TP63: variants seen among roughly 807,000 people sequenced by gnomAD.
TP63 encodes tumor protein p63.
A neutral mutation model predicts 82.8 loss-of-function variants in TP63; 17 were observed. That is an observed-to-expected ratio of 0.21 (90% confidence interval 0.14 to 0.31). The LOEUF (loss-of-function observed/expected upper bound fraction) is 0.31. TP63 is among the 10% of genes least tolerant of loss of function. The probability of loss-of-function intolerance (pLI) is 1.00; values close to 1 mark genes in which losing one functional copy is unlikely to be tolerated. For synonymous variants in TP63, 330 were observed against 321.7 expected (o/e 1.03, Z -0.28); for missense variants, 648 against 895.3 (o/e 0.72, Z 3.52).
At chr3:189,746,868 T>G (rs1023117929) in intron 3 of TP63, among the ~76,000 whole-genome samples, 1 of 149,068 alleles carries the variant, frequency 6.7e-6, no homozygotes, top group African/African-American at 2.5e-5. Context: ...AAGACATACA[T>G]AGATTGAAAG....
At chr3:189,878,237 C>T (rs1315999270) in intron 10 of TP63, among the ~76,000 whole-genome samples, 4 of 151,984 alleles carry the variant, frequency 2.6e-5, no homozygotes, top group East Asian at 1.9e-4. Context: ...ATGTCAACAC[C>T]GTATTTCTAG....
intron 10 of TP63, chr3:189,873,513 T>C (rs1479842864): frequency 1.7e-5 from 3 of 176,860 alleles, no homozygotes; most frequent in Non-Finnish European, 3.7e-5. Flanking sequence ...GCATGATAAT[T>C]GGGGAAATAT....
the TP63 span, among the ~76,000 whole-genome samples, chr3:189,626,032 C>T: frequency 1.3e-5 from 2 of 152,088 alleles, no homozygotes; most frequent in Admixed American, 1.3e-4. Flanking sequence ...ATTTCAGTGA[C>T]CTGAAGAGAG....
rs550131213 is a variant in TP63 at position 189,846,129 on chromosome 3, T to TC, written c.580-18098dup. 2.3e-3 allele frequency among the ~76,000 whole-genome samples: 348 copies of TC among 152,114 alleles called. 1 individual carries two copies. The highest frequency in any genetic ancestry group is 7.8e-3 in the African/African-American group (323 of 41,490). On this transcript the variant is annotated intron_variant, in intron 4 of 13. Coordinates refer to ENST00000264731, the MANE Select transcript of TP63 (RefSeq NM_003722.5). Reference sequence around the variant, plus strand: ...CCTAGTCACTGGAATTCTTTTTTTTTCCCCCTTCTCTTTGCAACATATTAT... The same window carrying TC: ...CCTAGTCACTGGAATTCTTTTTTTTTCCCCCCTTCTCTTTGCAACATATTAT...
intron 3 of TP63, among the ~76,000 whole-genome samples, chr3:189,798,863 G>C (rs1725992795): frequency 6.6e-6 from 1 of 152,056 alleles, no homozygotes; most frequent in Non-Finnish European, 1.5e-5. Flanking sequence ...CTCAAAACTT[G>C]AGTTTTATTT....
chr3:189,722,550 C>CGCATT (rs1426772062), intron 1 of TP63, among the ~76,000 whole-genome samples: 1 of 152,106 alleles, frequency 6.6e-6, no homozygotes, highest in African/African-American at 2.4e-5. Context: ...AGCCAGTGAA[C>CGCATT]GCATTGGGCC....
intron 1 of TP63, among the ~76,000 whole-genome samples, chr3:189,715,877 C>T (rs771331972): frequency 6.6e-6 from 1 of 152,158 alleles, no homozygotes; most frequent in Non-Finnish European, 1.5e-5. Flanking sequence ...AGGAACTGAA[C>T]CATGCTCTTC....
At chr3:189,844,376 T>G (rs1162692974) in intron 4 of TP63, 1 of 363,724 alleles carries the variant, frequency 2.7e-6, no homozygotes, top group Non-Finnish European at 5.6e-6. Flanking sequence ...ACCTCCGCCT[T>G]CTGGATTCAA....
intron 1 of TP63, among the ~76,000 whole-genome samples, chr3:189,725,889 A>G (rs895325409): frequency 6.6e-5 from 10 of 152,170 alleles, no homozygotes; most frequent in Non-Finnish European, 1.3e-4. Flanking sequence ...CCCCATCTCT[A>G]CTAAAAAATA....
chr3:189,693,421 G>A (rs776980569), intron 1 of TP63, among the ~76,000 whole-genome samples: 25 of 152,162 alleles, frequency 1.6e-4, no homozygotes, highest in Admixed American at 2.6e-4. Context: ...AGAGAACAAG[G>A]TGTGACAGCT....
At chr3:189,661,524 C>A (rs996479329) in intron 1 of TP63, among the ~76,000 whole-genome samples, 2 of 151,974 alleles carry the variant, frequency 1.3e-5, no homozygotes, top group Admixed American at 6.6e-5. Context: ...AGATATTAGC[C>A]TTTAGTTTTC....
intron 1 of TP63, among the ~76,000 whole-genome samples, 190 bp downstream of exon 1, chr3:189,631,767 G>A (rs914627571): frequency 6.6e-6 from 1 of 151,762 alleles, no homozygotes; most frequent in African/African-American, 2.4e-5. Flanking sequence ...GTTGATATTT[G>A]GATCTACAAA....
intron 1 of TP63, among the ~76,000 whole-genome samples, chr3:189,707,416 T>G (rs1482552659): frequency 6.6e-6 from 1 of 152,176 alleles, no homozygotes; most frequent in Admixed American, 6.5e-5. Flanking sequence ...TATGTTGAAT[T>G]GTAGGTGAAT....
intron 3 of TP63, among the ~76,000 whole-genome samples, chr3:189,747,916 A>G (rs1721500150): frequency 6.6e-6 from 1 of 152,096 alleles, no homozygotes; most frequent in African/African-American, 2.4e-5. Flanking sequence ...ATCAGAGATT[A>G]TTATGAACAA....
the TP63 span, among the ~76,000 whole-genome samples, chr3:189,600,231 C>A: frequency 6.6e-6 from 1 of 152,118 alleles, no homozygotes; most frequent in South Asian, 2.1e-4. Flanking sequence ...GGGGGTGGAT[C>A]AATAGAAATG....
intron 10 of TP63, among the ~76,000 whole-genome samples, chr3:189,882,699 T>C (rs1720056306): frequency 6.6e-6 from 1 of 152,176 alleles, no homozygotes; most frequent in African/African-American, 2.4e-5. Flanking sequence ...GTGTAACTTG[T>C]GTCTGCGCAG....
At chr3:189,608,495 A>G in the TP63 span, among the ~76,000 whole-genome samples, 1 of 152,168 alleles carries the variant, frequency 6.6e-6, no homozygotes, top group African/African-American at 2.4e-5. Flanking sequence ...GGCAATGGTA[A>G]GGGCATTAGA....
rs78983071 is a variant in TP63, at chr3:189,642,473, G to A, written c.62+10896G>A. Among the ~76,000 whole-genome samples, 1,221 of 152,134 alleles carry A rather than the reference G, an allele frequency of 8.0e-3. 12 individuals carry two copies. The highest frequency in any genetic ancestry group is 0.045 in the East Asian group (232 of 5,182). The stretch of plus-strand genomic sequence containing the variant: ...GTATAACGTTTAAGAGACTGGATTC[G>A]GGGGCCAATGCGCATAGGTTCAAAA... On this transcript the variant is annotated intron_variant, in intron 1 of 13. Coordinates refer to ENST00000264731, the MANE Select transcript of TP63 (RefSeq NM_003722.5).
At chr3:189,709,058 T>G (rs895246183) in intron 1 of TP63, among the ~76,000 whole-genome samples, 11 of 152,226 alleles carry the variant, frequency 7.2e-5, no homozygotes, top group African/African-American at 2.7e-4. Flanking sequence ...CCTTGTTTGC[T>G]GTTTTATTTC....
Sources: gnomAD v4.1 joint callset for allele counts (sites outside exome capture counted in the v4.1 genomes callset) on GRCh38, gnomAD v4.1.1 for gene constraint, MANE v1.5 for transcripts, NCBI Gene and HGNC (gene_info 2026-07-23, HGNC 2026-07-21) for gene names.